The following MACROD2 variants were observed in gnomAD, a reference collection of about 807,000 sequenced individuals.
The protein encoded by MACROD2 is ADP-ribose glycohydrolase MACROD2.
Under a neutral mutation model 70.4 loss-of-function variants are expected in MACROD2, and 36 were observed. The observed-to-expected ratio is 0.51, with a 90% CI of 0.39 to 0.68. The LOEUF (loss-of-function observed/expected upper bound fraction) is 0.68, where lower values mean the gene tolerates loss of function less well. MACROD2 is among the 30% of genes least tolerant of loss of function. The probability of loss-of-function intolerance (pLI) is 0.00; values close to 1 mark genes in which losing one functional copy is unlikely to be tolerated. For missense variants in MACROD2, 496 were observed against 538.4 expected (o/e 0.92, Z 0.78); for synonymous variants, 172 against 178.8 (o/e 0.96, Z 0.30).
Position 15,022,058 on chromosome 20 carries a change from C to T in MACROD2, c.419-207882C>T, listed in dbSNP as rs2075191498. On this transcript the variant is annotated intron_variant, in intron 5 of 17. Transcript: ENST00000684519. ...ATGTGCCTATACATCTACTACTGTG[C>T]ATGCAAACAAGCAAAGTTAGCAGGA... is the stretch of plus-strand genomic sequence containing the variant. 2.0e-5 allele frequency among the ~76,000 whole-genome samples: 3 copies of T among 152,136 alleles called. No homozygotes were observed. In the South Asian group the frequency reaches 6.2e-4, roughly 32 times the overall value.
In MACROD2 at chr20:13,995,938, C is replaced by T. The variant is rs1479698209; in HGVS notation, c.46+129C>T. Reference sequence around the variant, plus strand: ...CGCGCCCTCCCGGCCGGTGCCGCCTCCCTCCGGTGTCCGTGTGTACACACG... The same window carrying T: ...CGCGCCCTCCCGGCCGGTGCCGCCTTCCTCCGGTGTCCGTGTGTACACACG... On this transcript the variant is annotated intron_variant, in intron 1 of 17. Transcript: ENST00000684519. The surrounding 1 kb of genome is among the most constrained non-coding windows in gnomAD (Gnocchi z 4.3). The T allele has an allele frequency of 9.3e-7, 1 of 1,077,922 alleles. No individual in the cohort carries two copies. The highest frequency in any genetic ancestry group is 1.6e-5 in the African/African-American group (1 of 63,498). The allele number at this position is 1,077,922 out of a possible 1,614,324, so 66.8% of individuals were successfully genotyped here.
intron 4 of MACROD2, among the ~76,000 whole-genome samples, chr20:14,515,693 A>G (rs1023567538): frequency 6.6e-6 from 1 of 152,046 alleles, no homozygotes; most frequent in African/African-American, 2.4e-5. Context: ...ACTGGTTAGC[A>G]GAGGCTGGAT....
At chr20:14,069,530 A>C (rs2053811606) in intron 2 of MACROD2, among the ~76,000 whole-genome samples, 1 of 151,828 alleles carries the variant, frequency 6.6e-6, no homozygotes, top group Non-Finnish European at 1.5e-5. Context: ...AGATTTCTGC[A>C]GTAGAGAAAT....
intron 4 of MACROD2, among the ~76,000 whole-genome samples, chr20:14,603,415 C>G (rs1329101221): frequency 6.6e-6 from 1 of 152,090 alleles, no homozygotes; most frequent in Non-Finnish European, 1.5e-5. Flanking sequence ...TTCTTAATAT[C>G]TCTGAAAAAA....
chr20:14,700,307 C>T (rs927289318), intron 5 of MACROD2, among the ~76,000 whole-genome samples: 2 of 151,078 alleles, frequency 1.3e-5, no homozygotes, highest in South Asian at 2.2e-4. Context: ...TATTTTGCAA[C>T]GTGCCGTGTA....
chr20:15,410,935 G>A (rs571332395), intron 6 of MACROD2, among the ~76,000 whole-genome samples: 4 of 152,134 alleles, frequency 2.6e-5, no homozygotes, highest in East Asian at 1.9e-4. Flanking sequence ...CATATATCTC[G>A]TGCAAGAGCA....
At chr20:14,362,901 A>AT (rs1400547639) in intron 3 of MACROD2, among the ~76,000 whole-genome samples, 2 of 152,152 alleles carry the variant, frequency 1.3e-5, no homozygotes, top group Admixed American at 6.6e-5. Flanking sequence ...TTTTAATGTA[A>AT]TTTTTTAAAC....
chr20:14,486,535 T>TTTTG (rs10688745), intron 3 of MACROD2, among the ~76,000 whole-genome samples: 1 of 149,176 alleles, frequency 6.7e-6, no homozygotes. Flanking sequence ...TTTTTTTTTT[T>TTTTG]TGAGACAGAG....
chr20:15,656,480 A>G (rs2049732361), intron 8 of MACROD2, among the ~76,000 whole-genome samples: 1 of 152,196 alleles, frequency 6.6e-6, no homozygotes, highest in African/African-American at 2.4e-5. Context: ...TCAAGCTAAT[A>G]TTTGTATATT....
intron 3 of MACROD2, chr20:14,128,303 G>T (rs2148697213): frequency 5.1e-6 from 1 of 196,632 alleles, no homozygotes; most frequent in Non-Finnish European, 1.1e-5. Context: ...GAGGGTGTAG[G>T]GTTCAAACTA....
At chr20:14,227,055 T>G (rs2122187467) in intron 3 of MACROD2, among the ~76,000 whole-genome samples, 1 of 152,202 alleles carries the variant, frequency 6.6e-6, no homozygotes, top group African/African-American at 2.4e-5. Flanking sequence ...TAGCTCAAGG[T>G]TTGTAAACAC....
chr20:15,956,869 T>A (rs1478909502), intron 12 of MACROD2, among the ~76,000 whole-genome samples: 3 of 152,176 alleles, frequency 2.0e-5, no homozygotes, highest in South Asian at 2.1e-4. Flanking sequence ...GCGGTGAATG[T>A]TTTATGTTTG....
At chr20:15,664,842 G>T (rs996059776) in intron 8 of MACROD2, among the ~76,000 whole-genome samples, 1 of 152,140 alleles carries the variant, frequency 6.6e-6, no homozygotes, top group African/African-American at 2.4e-5. Context: ...AAGTCAGGGT[G>T]TGGGGAGGTA....
At chr20:14,047,638 A>G (rs2053499047) in intron 2 of MACROD2, among the ~76,000 whole-genome samples, 1 of 152,192 alleles carries the variant, frequency 6.6e-6, no homozygotes, top group Non-Finnish European at 1.5e-5. Flanking sequence ...AATATTTGAC[A>G]GTAAATTTGT....
At chr20:15,196,674 T>C (rs1379801189) in intron 5 of MACROD2, among the ~76,000 whole-genome samples, 1 of 152,210 alleles carries the variant, frequency 6.6e-6, no homozygotes, top group Admixed American at 6.5e-5. Context: ...GTTTTGGATA[T>C]GTTTTTGACA....
intron 4 of MACROD2, among the ~76,000 whole-genome samples, chr20:14,511,915 G>A (rs911932640): frequency 4.7e-5 from 7 of 150,080 alleles, no homozygotes; most frequent in Non-Finnish European, 1.0e-4. Flanking sequence ...ACTACACCAC[G>A]CAGTAAAGAA....
At chr20:15,704,337 G>C (rs1456545070) in intron 8 of MACROD2, among the ~76,000 whole-genome samples, 1 of 151,910 alleles carries the variant, frequency 6.6e-6, no homozygotes, top group African/African-American at 2.4e-5. Flanking sequence ...AATAATTCCT[G>C]TTCACAAATA....
At chr20:14,334,077 G>A (rs573079395) in intron 3 of MACROD2, among the ~76,000 whole-genome samples, 72 of 152,264 alleles carry the variant, frequency 4.7e-4, no homozygotes, top group Admixed American at 2.3e-3. Context: ...TGATTTTAGG[G>A]TAGGAAAGAG....
chr20:14,341,404 G>A lies in MACROD2; in HGVS notation c.272-152075G>A, dbSNP rs1162235278. ...TGTAATCCCAGCACTTTGGGAGGCCGAGGCGGGAGGATCACCTGAAGTCAG... is the reference window on the plus strand; with the variant it reads ...TGTAATCCCAGCACTTTGGGAGGCCAAGGCGGGAGGATCACCTGAAGTCAG... On this transcript the variant is annotated intron_variant, in intron 3 of 17. Coordinates refer to ENST00000684519, the MANE Select transcript of MACROD2 (RefSeq NM_001351661.2). Among the ~76,000 whole-genome samples the A allele has an allele frequency of 5.3e-5, 8 of 152,324 alleles. 1 individual carries two copies. The highest frequency in any genetic ancestry group is 2.9e-5 in the Non-Finnish European group (2 of 68,032).
Sources: allele counts gnomAD v4.1 joint callset (sites outside exome capture counted in the v4.1 genomes callset), GRCh38; gene constraint gnomAD v4.1.1; non-coding constraint Gnocchi (gnomAD v3.1); transcripts MANE v1.5; gene names NCBI Gene and HGNC (gene_info 2026-07-23, HGNC 2026-07-21).